Variants in MKLN1 observed in about 807,000 individuals in gnomAD.
MKLN1 encodes the protein muskelin 1, also known as muskelin.
Under a neutral mutation model 99.0 loss-of-function variants are expected in MKLN1, and 18 were observed. That is an observed-to-expected ratio of 0.18 (90% confidence interval 0.13 to 0.27). MKLN1 has a LOEUF of 0.27. Among genes scored for constraint, MKLN1 ranks in the 10% least tolerant of loss-of-function variants. The probability of loss-of-function intolerance (pLI) is 1.00; values close to 1 mark genes in which losing one functional copy is unlikely to be tolerated. For missense variants in MKLN1, 621 were observed against 875.9 expected, an observed-to-expected ratio of 0.71 and a Z score of 3.67; for synonymous variants, 288 against 293.2, an observed-to-expected ratio of 0.98 and a Z score of 0.18.
intron 8 of MKLN1, among the ~76,000 whole-genome samples, chr7:131,427,896 G>T (rs1402286423): frequency 1.3e-5 from 2 of 152,122 alleles, no homozygotes; most frequent in Non-Finnish European, 2.9e-5. Flanking sequence ...GAATGGGGTG[G>T]CTCATGCCTA....
intron 2 of MKLN1, among the ~76,000 whole-genome samples, chr7:131,163,120 T>C (rs912955528): frequency 2.6e-5 from 4 of 152,248 alleles, no homozygotes; most frequent in Non-Finnish European, 5.9e-5. Flanking sequence ...TCTCCAATTC[T>C]GAATTCTTAC....
intron 3 of MKLN1, among the ~76,000 whole-genome samples, chr7:131,222,850 G>T (rs1797079861): frequency 7.6e-6 from 1 of 131,506 alleles, no homozygotes; most frequent in Admixed American, 8.0e-5. Context: ...AATCCTCTTT[G>T]CTAAAAATAC....
At chr7:131,228,371 G>A (rs926732966) in intron 3 of MKLN1, among the ~76,000 whole-genome samples, 6 of 152,096 alleles carry the variant, frequency 3.9e-5, no homozygotes, top group African/African-American at 1.4e-4. Flanking sequence ...GACCACCTCG[G>A]CCTCCCAAAG....
intron 6 of MKLN1, among the ~76,000 whole-genome samples, chr7:131,408,558 A>G (rs1050988272): frequency 2.6e-5 from 4 of 152,184 alleles, no homozygotes; most frequent in Admixed American, 6.6e-5. Flanking sequence ...ATTCTGGGCA[A>G]GAGATTTGAA....
rs75590230 is a variant in MKLN1, at chr7:131,169,918, A to G, written c.-297+26977A>G. ...GTGTTCTTGTATGCCTGCTTTGGCT[A>G]AAGTCTCACATAGAAAACCCTTTCA... is the stretch of plus-strand genomic sequence containing the variant. On this transcript the variant is annotated intron_variant, in intron 2 of 7. Coordinates refer to the MKLN1 transcript ENST00000416992. Among the ~76,000 whole-genome samples the G allele has an allele frequency of 8.6e-3, 1,314 of 152,276 alleles. 84 individuals are homozygous for G. The East Asian group carries it at 0.16, about 18-fold the overall frequency.
At chr7:131,287,499 C>G (rs998126218) in intron 3 of MKLN1, among the ~76,000 whole-genome samples, 7 of 152,248 alleles carry the variant, frequency 4.6e-5, no homozygotes, top group African/African-American at 1.7e-4. Flanking sequence ...CTGCTTCTCT[C>G]TTATAAGGAT....
chr7:131,129,057 A>G (rs1015354341), intron 1 of MKLN1, among the ~76,000 whole-genome samples: 1 of 152,196 alleles, frequency 6.6e-6, no homozygotes, highest in Non-Finnish European at 1.5e-5. Flanking sequence ...AAGAACGGGT[A>G]AAGAACAACA....
intron 3 of MKLN1, among the ~76,000 whole-genome samples, chr7:131,236,542 T>A (rs1315437564): frequency 6.6e-6 from 1 of 152,100 alleles, no homozygotes; most frequent in Non-Finnish European, 1.5e-5. Flanking sequence ...CCACCTGTAG[T>A]CCTAGCTAAT....
chr7:131,192,229 CAATATATA>C (rs1796569480), intron 2 of MKLN1, among the ~76,000 whole-genome samples: 1 of 61,662 alleles, frequency 1.6e-5, no homozygotes, highest in Non-Finnish European at 2.8e-5. Flanking sequence ...AAAATATATA[CAATATATA>C]AATATATAAA....
At chr7:131,431,638 C>T (rs1054751290) in intron 9 of MKLN1, among the ~76,000 whole-genome samples, 2 of 152,134 alleles carry the variant, frequency 1.3e-5, no homozygotes, top group African/African-American at 4.8e-5. Flanking sequence ...AAAAAGCAAT[C>T]ATGTAACCAA....
At chr7:131,237,241 T>C (rs1350292629) in intron 3 of MKLN1, among the ~76,000 whole-genome samples, 1 of 152,212 alleles carries the variant, frequency 6.6e-6, no homozygotes, top group Non-Finnish European at 1.5e-5. Context: ...TGTTGTTTGA[T>C]GAGTTTAACG....
intron 3 of MKLN1, among the ~76,000 whole-genome samples, chr7:131,320,398 C>T (rs1465362946): frequency 3.9e-5 from 6 of 152,222 alleles, no homozygotes; most frequent in Admixed American, 3.9e-4. Flanking sequence ...GAAACTGGAC[C>T]CCCTCCTTAC....
At chr7:131,140,782 TTTTG>T (rs1795719551) in intron 1 of MKLN1, among the ~76,000 whole-genome samples, 2 of 148,836 alleles carry the variant, frequency 1.3e-5, no homozygotes, top group African/African-American at 2.4e-5. Flanking sequence ...TCCTTTTTTT[TTTTG>T]TTTTGTTTTC....
chr7:131,386,811 T>C (rs1794042186), intron 2 of MKLN1, among the ~76,000 whole-genome samples: 1 of 152,242 alleles, frequency 6.6e-6, no homozygotes, highest in Admixed American at 6.5e-5. Flanking sequence ...TTTTGCATAG[T>C]TTGGTTATAT....
At chr7:131,352,047 C>T (rs996019407) in intron 1 of MKLN1, among the ~76,000 whole-genome samples, 7 of 152,142 alleles carry the variant, frequency 4.6e-5, no homozygotes, top group African/African-American at 1.7e-4. Context: ...TAATTCTTTC[C>T]TTTTAATCAC....
upstream of MKLN1, chr7:131,327,652 C>T (rs1017914910): frequency 1.9e-6 from 1 of 527,910 alleles, no homozygotes; most frequent in Non-Finnish European, 3.2e-6. Context: ...CCATTCCCCT[C>T]CAAGCCCCAG....
rs1435796567 is a variant in MKLN1 at position 131,173,972 on chromosome 7, T to TC, written c.-296-28885_-296-28884insC. Among the ~76,000 whole-genome samples, 60 of 135,524 alleles carry TC rather than the reference T, an allele frequency of 4.4e-4. 5 individuals are homozygous for TC. The highest frequency in any genetic ancestry group is 7.5e-4 in the Non-Finnish European group (47 of 62,418). The allele number at this position is 135,524 out of a possible 152,430, so 88.9% of individuals were successfully genotyped here. On this transcript the variant is annotated intron_variant, in intron 2 of 7. Transcript: ENST00000416992. ...CCAGAGTTTAAAGACCTTTTTCTTT[T>TC]TCTTTTTTTTTTTTTTTTGAGACGG...
intron 3 of MKLN1, among the ~76,000 whole-genome samples, chr7:131,255,542 T>A (rs1002415258): frequency 6.6e-6 from 1 of 152,202 alleles, no homozygotes; most frequent in African/African-American, 2.4e-5. Context: ...TTAAAGCCTG[T>A]CAACTAGTTG....
chr7:131,415,337 C>T (rs1300591341), intron 8 of MKLN1, among the ~76,000 whole-genome samples: 1 of 151,934 alleles, frequency 6.6e-6, no homozygotes, highest in East Asian at 1.9e-4. Flanking sequence ...GCATAGAATA[C>T]CACTCTTTCC....
Sources: allele counts gnomAD v4.1 joint callset (sites outside exome capture counted in the v4.1 genomes callset), GRCh38; gene constraint gnomAD v4.1.1; transcripts MANE v1.5; gene names NCBI Gene and HGNC (gene_info 2026-07-23, HGNC 2026-07-21).